HPF1: variants seen among roughly 807,000 people sequenced by gnomAD.
HPF1 encodes histone PARylation factor 1, also known as UPF0609 protein C4orf27.
HPF1 carries 35 observed loss-of-function variants against 38.8 expected under a neutral mutation model. The observed-to-expected ratio is 0.90, with a 90% CI of 0.69 to 1.19. The LOEUF (loss-of-function observed/expected upper bound fraction) is 1.19. Ranked by LOEUF, HPF1 falls within the 50% of genes most tolerant of loss-of-function variation. The pLI, the probability that HPF1 is intolerant of heterozygous loss-of-function variation, is 0.00. For missense variants in HPF1, 367 were observed against 405.8 expected, an observed-to-expected ratio of 0.90 and a Z score of 0.82; for synonymous variants, 115 against 139.2, an observed-to-expected ratio of 0.83 and a Z score of 1.22.
intron 5 of HPF1, 43 bp from the exon 6 acceptor site, chr4:169,737,790 C>T: frequency 4.1e-6 from 5 of 1,223,346 alleles, no homozygotes; most frequent in Non-Finnish European, 5.9e-6. Context: ...GGTAAGCAGA[C>T]ATCAAAAAAA....
intron 7 of HPF1, among the ~76,000 whole-genome samples, chr4:169,730,418 G>A (rs757340853): frequency 6.6e-5 from 10 of 152,094 alleles, no homozygotes; most frequent in Non-Finnish European, 1.5e-4. Flanking sequence ...TATTTGGATT[G>A]GTCAATGACT....
intron 4 of HPF1, among the ~76,000 whole-genome samples, chr4:169,746,588 C>A (rs760347805): frequency 2.6e-5 from 4 of 151,814 alleles, no homozygotes; most frequent in Non-Finnish European, 4.4e-5. Flanking sequence ...CTTGCAGACA[C>A]AAGATTTAAT....
At position 169,742,249 on chromosome 4, in the gene HPF1, T is replaced by A. The variant is rs1274350767; in HGVS notation, c.498-142A>T. On this transcript the variant is annotated intron_variant, in intron 4 of 7. Coordinates refer to ENST00000393381, the MANE Select transcript of HPF1 (RefSeq NM_017867.3). ...ATAATTACCAACACTTCTCTCAAAATCCCTAATAGTTTTCTTCAAATAAGA... is the reference window on the plus strand; with the variant it reads ...ATAATTACCAACACTTCTCTCAAAAACCCTAATAGTTTTCTTCAAATAAGA... The A allele has an allele frequency of 4.4e-6, 3 of 679,546 alleles. No homozygotes were observed. The East Asian group carries it at 7.7e-5, about 18-fold the overall frequency. 42.1% of individuals were successfully genotyped at this position (679,546 alleles called of 1,614,324 possible). A position where few individuals can be genotyped will look rare whatever the true frequency, so the allele number is the denominator to read the frequency against.
intron 6 of HPF1, among the ~76,000 whole-genome samples, chr4:169,736,176 C>T (rs7686455): frequency 0.025 from 3,721 of 151,472 alleles, 154 homozygotes; most frequent in African/African-American, 0.085. Context: ...CCCAGGAGTT[C>T]GAGACCAGCA....
chr4:169,757,411 C>CA (rs1013410838), intron 1 of HPF1, among the ~76,000 whole-genome samples: 2 of 152,128 alleles, frequency 1.3e-5, no homozygotes, highest in African/African-American at 2.4e-5. Flanking sequence ...TAATCCCAAA[C>CA]AAAAAAGTCA....
chr4:169,754,479 T>C (rs1187309380), intron 1 of HPF1, among the ~76,000 whole-genome samples: 1 of 152,166 alleles, frequency 6.6e-6, no homozygotes, highest in Non-Finnish European at 1.5e-5. Flanking sequence ...GAAGTTATAA[T>C]ACTCATCTCT....
intron 5 of HPF1, among the ~76,000 whole-genome samples, chr4:169,741,391 T>G (rs1259232839): frequency 1.3e-5 from 2 of 152,242 alleles, no homozygotes; most frequent in South Asian, 2.1e-4. Flanking sequence ...CCTATAGAAT[T>G]CTCATTTACT....
rs547069402 is a variant in HPF1, at chr4:169,742,724, A to G, written c.498-617T>C. Among the ~76,000 whole-genome samples, 57 of 152,308 alleles carry G rather than the reference A, an allele frequency of 3.7e-4. No individual in the cohort carries two copies. In the South Asian group the frequency reaches 6.6e-3, roughly 18 times the overall value. On this transcript the variant is annotated intron_variant, in intron 4 of 7. Transcript: ENST00000393381. ...GGAGAACGGCGTGAACCCGGGAGGC[A>G]GAGCTTGCAGTGAACCGAGATCGCG... is the stretch of plus-strand genomic sequence containing the variant.
intron 5 of HPF1, among the ~76,000 whole-genome samples, chr4:169,739,052 T>C (rs923467200): frequency 6.6e-6 from 1 of 152,156 alleles, no homozygotes; most frequent in Non-Finnish European, 1.5e-5. Flanking sequence ...GACGAGTTAA[T>C]GGATGCAGCA....
intron 4 of HPF1, among the ~76,000 whole-genome samples, chr4:169,745,933 T>C (rs1734042112): frequency 6.6e-6 from 1 of 152,180 alleles, no homozygotes; most frequent in Admixed American, 6.5e-5. Flanking sequence ...AAAAATAACA[T>C]TTTATTATCA....
intron 7 of HPF1, 32 bp downstream of exon 7, chr4:169,731,671 AG>A: frequency 6.8e-7 from 1 of 1,475,014 alleles, no homozygotes; most frequent in Non-Finnish European, 9.0e-7. Flanking sequence ...GAGGTGTGGC[AG>A]TGGGTAGAAG....
intron 5 of HPF1, among the ~76,000 whole-genome samples, chr4:169,738,995 G>T (rs567364353): frequency 4.9e-4 from 75 of 151,932 alleles, no homozygotes; most frequent in African/African-American, 1.2e-3. Flanking sequence ...GTGGTGGGGT[G>T]GGGGGAGGAG....
chr4:169,756,624 T>C (rs1363386843), intron 1 of HPF1, among the ~76,000 whole-genome samples: 1 of 152,238 alleles, frequency 6.6e-6, no homozygotes, highest in Non-Finnish European at 1.5e-5. Flanking sequence ...ACAGTGCCTA[T>C]ATCGGGGTTG....
rs1560885898 is a variant in HPF1 at position 169,731,725 on chromosome 4, A to T, written c.888T>A (p.Asp296Glu). 6.4e-7 allele frequency: 1 copy of T among 1,562,322 alleles called. No homozygotes were observed. Among genetic ancestry groups the T allele is most frequent in the Admixed American group, 2.0e-5 (1 of 49,148 alleles). The change falls in exon 7 of 8, where the codon GAT (aspartate) becomes GAA (glutamate). Residue 296 changes from aspartate to glutamate, a missense_variant. Physicochemically the swap from Asp to Glu is conservative, Grantham distance 45. Coordinates refer to ENST00000393381, the MANE Select transcript of HPF1 (RefSeq NM_017867.3). Reference sequence around the variant, plus strand: ...TCACATGTGAGCCATAGCAAAAGAGATCCATTCCCAATTCAAGCCCCATGC... The same window carrying T: ...TCACATGTGAGCCATAGCAAAAGAGTTCCATTCCCAATTCAAGCCCCATGC... The part of the protein sequence containing the change: ...DYGMGLELGM[D>E]LFCYGSHYFH...
At position 169,753,663 on chromosome 4, in the gene HPF1, T is replaced by C; in HGVS notation, c.208+13A>G. On this transcript the variant is annotated intron_variant, in intron 2 of 7. Coordinates refer to ENST00000393381, the MANE Select transcript of HPF1 (RefSeq NM_017867.3). ...CTTTCCATTAATACAAGAATGATTCTGGAGCAACTCACCAGATGGCTTTTC... is the reference window on the plus strand; with the variant it reads ...CTTTCCATTAATACAAGAATGATTCCGGAGCAACTCACCAGATGGCTTTTC... 6.2e-7 allele frequency: 1 copy of C among 1,606,416 alleles called. No homozygotes were observed. The highest frequency in any genetic ancestry group is 1.7e-5 in the Admixed American group (1 of 59,632).
intron 5 of HPF1, among the ~76,000 whole-genome samples, chr4:169,740,927 A>G (rs1733961363): frequency 6.6e-6 from 1 of 152,232 alleles, no homozygotes; most frequent in Non-Finnish European, 1.5e-5. Flanking sequence ...AACAAATTAG[A>G]AATACATTAA....
chr4:169,750,832 T>TA, intron 2 of HPF1, 107 bp from the exon 3 acceptor site: 1 of 812,110 alleles, frequency 1.2e-6, no homozygotes, highest in Non-Finnish European at 1.9e-6. Flanking sequence ...GTTTCTAAAC[T>TA]AAAAAAATCT....
At chr4:169,745,143 C>T (rs1734030730) in intron 4 of HPF1, among the ~76,000 whole-genome samples, 1 of 152,242 alleles carries the variant, frequency 6.6e-6, no homozygotes, top group Non-Finnish European at 1.5e-5. Context: ...CAGAACCATG[C>T]ACAGCAACTA....
intron 7 of HPF1, 72 bp from the exon 8 acceptor site, chr4:169,729,781 A>G (rs1733806305): frequency 8.9e-7 from 1 of 1,124,364 alleles, no homozygotes; most frequent in Non-Finnish European, 1.2e-6. Context: ...AAATATATCA[A>G]CAAAGCACTT....
Sources: allele counts gnomAD v4.1 joint callset (sites outside exome capture counted in the v4.1 genomes callset), GRCh38; gene constraint gnomAD v4.1.1; transcripts MANE v1.5; gene names NCBI Gene and HGNC (gene_info 2026-07-23, HGNC 2026-07-21).